The following KCNJ3 variants were observed in gnomAD, a reference collection of about 807,000 sequenced individuals.
The protein encoded by KCNJ3 is G protein-activated inward rectifier potassium channel 1.
KCNJ3 carries 4 observed loss-of-function variants against 39.2 expected under a neutral mutation model. That is an observed-to-expected ratio of 0.10 (90% CI 0.05 to 0.23). The LOEUF is 0.23. KCNJ3 is among the 10% of genes least tolerant of loss of function. KCNJ3 has a pLI of 1.00. For missense variants in KCNJ3, 276 were observed against 634.9 expected (o/e 0.43, Z 6.08); for synonymous variants, 230 against 237.4 (o/e 0.97, Z 0.29).
chr2:154,738,804 A>C (rs1016653784), intron 2 of KCNJ3, among the ~76,000 whole-genome samples: 4 of 152,072 alleles, frequency 2.6e-5, no homozygotes, highest in African/African-American at 9.7e-5. Flanking sequence ...AAGAAGGTGC[A>C]ATTAAGCAAT....
intron 2 of KCNJ3, among the ~76,000 whole-genome samples, chr2:154,741,549 T>G (rs1206000055): frequency 6.6e-6 from 1 of 151,878 alleles, no homozygotes; most frequent in Non-Finnish European, 1.5e-5. Context: ...TGGGATGTGG[T>G]CATTTCTTCA....
At chr2:154,832,868 G>A (rs1363026742) in intron 2 of KCNJ3, among the ~76,000 whole-genome samples, 1 of 152,172 alleles carries the variant, frequency 6.6e-6, no homozygotes, top group African/African-American at 2.4e-5. Flanking sequence ...AGAGTTGTGT[G>A]GAGATATGGA....
chr2:154,818,390 T>C (rs1031735220), intron 2 of KCNJ3, among the ~76,000 whole-genome samples: 3 of 152,164 alleles, frequency 2.0e-5, no homozygotes, highest in African/African-American at 7.2e-5. Flanking sequence ...CATCCTGTCA[T>C]AGACCAGTGT....
At chr2:154,757,182 G>A (rs1016310689) in intron 2 of KCNJ3, among the ~76,000 whole-genome samples, 3 of 152,074 alleles carry the variant, frequency 2.0e-5, no homozygotes, top group African/African-American at 4.8e-5. Flanking sequence ...CAAGACATTT[G>A]AATTCAACAG....
chr2:154,792,534 T>C (rs2105211228), intron 2 of KCNJ3, among the ~76,000 whole-genome samples: 1 of 152,234 alleles, frequency 6.6e-6, no homozygotes, highest in South Asian at 2.1e-4. Flanking sequence ...CAGTGTGAAT[T>C]GTCCTGCTAC....
At chr2:154,822,243 A>C (rs533031294) in intron 2 of KCNJ3, among the ~76,000 whole-genome samples, 14 of 152,308 alleles carry the variant, frequency 9.2e-5, no homozygotes, top group African/African-American at 3.4e-4. Context: ...AATGTACATG[A>C]TCATGTAAAT....
intron 2 of KCNJ3, among the ~76,000 whole-genome samples, chr2:154,828,238 G>A (rs1394606736): frequency 6.6e-6 from 1 of 152,124 alleles, no homozygotes; most frequent in Non-Finnish European, 1.5e-5. Context: ...ACTGATGAGA[G>A]CCATCATATG....
intron 2 of KCNJ3, among the ~76,000 whole-genome samples, chr2:154,836,083 G>A (rs2961971): frequency 0.21 from 32,047 of 151,674 alleles, 3,677 homozygotes; most frequent in East Asian, 0.4. Context: ...GGTGGCATGC[G>A]CCTGTAGTCC....
chr2:154,798,618 ATTGAAACC>A (rs1686760202), intron 2 of KCNJ3, among the ~76,000 whole-genome samples: 1 of 152,180 alleles, frequency 6.6e-6, no homozygotes, highest in Admixed American at 6.5e-5. Context: ...GTCTGTGAAT[ATTGAAACC>A]TGAGCATTAA....
At chr2:154,794,203 T>C (rs1686683671) in intron 2 of KCNJ3, among the ~76,000 whole-genome samples, 1 of 152,014 alleles carries the variant, frequency 6.6e-6, no homozygotes, top group African/African-American at 2.4e-5. Flanking sequence ...AAGTTGTTTT[T>C]GCCAGATAAA....
chr2:154,778,936 C>G (rs910444750), intron 2 of KCNJ3, among the ~76,000 whole-genome samples: 2 of 151,900 alleles, frequency 1.3e-5, no homozygotes, highest in African/African-American at 4.8e-5. Context: ...ATGCAATGCC[C>G]TAAATTTTAG....
chr2:154,701,048 G>A lies in KCNJ3; in HGVS notation c.702+1571G>A, dbSNP rs189464681. ...TTAACTTAGTGTATTGTTATTGACC[G>A]CTGTTTGAACCAAGCAGTTTGTCAG... On this transcript the variant is annotated intron_variant, in intron 1 of 2. Transcript: ENST00000295101. 2.3e-4 allele frequency among the ~76,000 whole-genome samples: 35 copies of A among 152,118 alleles called. No individual in the cohort carries two copies. The East Asian group carries it at 5.0e-3, about 22-fold the overall frequency.
intron 2 of KCNJ3, among the ~76,000 whole-genome samples, chr2:154,753,078 G>C (rs946173346): frequency 6.6e-6 from 1 of 151,848 alleles, no homozygotes; most frequent in African/African-American, 2.4e-5. Context: ...CTCTCTTATC[G>C]GATAAGAATT....
At chr2:154,735,285 T>TG (rs1217769218) in intron 2 of KCNJ3, among the ~76,000 whole-genome samples, 27 of 151,432 alleles carry the variant, frequency 1.8e-4, no homozygotes, top group East Asian at 1.8e-3. Flanking sequence ...TTTTTTTTTT[T>TG]TTGTATTTTT....
intron 2 of KCNJ3, among the ~76,000 whole-genome samples, chr2:154,850,103 G>A (rs1453610609): frequency 8.2e-6 from 1 of 121,236 alleles, no homozygotes; most frequent in African/African-American, 3.2e-5. Context: ...AGCAGCATCT[G>A]TTGCTTTGCC....
In KCNJ3 at chr2:154,854,791, T is replaced by C. The variant is rs760085492; in HGVS notation, c.984T>C (p.Phe328=). 18 of 1,613,876 alleles carry C rather than the reference T, an allele frequency of 1.1e-5. No individual in the cohort carries two copies. The highest frequency in any genetic ancestry group is 1.6e-4 in the Middle Eastern group (1 of 6,082). ...AAGTTCTTTGGGGTCATCGTTTTTT[T>C]CCTGTAATTTCCTTAGAAGAGGGAT... ...EDEVLWGHRF[F]PVISLEEGFF... The change falls in exon 3 of 3, where the codon TTT becomes TTC. Residue 328 remains phenylalanine, a synonymous_variant. Coordinates refer to ENST00000295101, the MANE Select transcript of KCNJ3 (RefSeq NM_002239.4).
chr2:154,753,182 A>G (rs1241241950), intron 2 of KCNJ3, among the ~76,000 whole-genome samples: 3 of 152,132 alleles, frequency 2.0e-5, no homozygotes, highest in Non-Finnish European at 4.4e-5. Flanking sequence ...TGCTAAAACT[A>G]TAATTATAAA....
intron 2 of KCNJ3, among the ~76,000 whole-genome samples, chr2:154,851,683 A>T (rs971601211): frequency 3.3e-5 from 5 of 152,212 alleles, no homozygotes; most frequent in Non-Finnish European, 7.4e-5. Flanking sequence ...TTTATCTAGT[A>T]AAATAGATTC....
At chr2:154,843,889 T>A (rs1259168346) in intron 2 of KCNJ3, among the ~76,000 whole-genome samples, 1 of 152,172 alleles carries the variant, frequency 6.6e-6, no homozygotes, top group Non-Finnish European at 1.5e-5. Context: ...GGTTCTAACA[T>A]CCTCCTTTAG....
Sources: gnomAD v4.1 joint callset for allele counts (sites outside exome capture counted in the v4.1 genomes callset) on GRCh38, gnomAD v4.1.1 for gene constraint, MANE v1.5 for transcripts, NCBI Gene and HGNC (gene_info 2026-07-23, HGNC 2026-07-21) for gene names.